The following RPGRIP1L variants were observed in gnomAD, a reference collection of about 807,000 sequenced individuals.
RPGRIP1L encodes the protein RPGRIP1 like.
RPGRIP1L carries 131 observed loss-of-function variants against 160.4 expected under a neutral mutation model. The ratio of observed to expected loss-of-function variants is 0.82; its 90% CI spans 0.71 to 0.94. RPGRIP1L has a LOEUF of 0.94. Ranked by LOEUF, RPGRIP1L falls within the 40% of genes least tolerant of loss-of-function variation. RPGRIP1L has a pLI of 0.00. For synonymous variants in RPGRIP1L, 510 were observed against 515.8 expected (o/e 0.99, Z 0.15); for missense variants, 1,522 against 1,535.8 (o/e 0.99, Z 0.15).
intron 11 of RPGRIP1L, 125 bp from the exon 12 acceptor site, chr16:53,658,589 T>C: frequency 2.2e-6 from 2 of 899,422 alleles, no homozygotes; most frequent in Non-Finnish European, 3.6e-6. Flanking sequence ...AAACTAAGTC[T>C]ACAAGACATT....
chr16:53,639,594 T>C (rs570515991), intron 19 of RPGRIP1L, among the ~76,000 whole-genome samples: 1 of 152,276 alleles, frequency 6.6e-6, no homozygotes, highest in East Asian at 1.9e-4. Context: ...GTCTTTTTAA[T>C]GTTAGTGGTC....
At chr16:53,608,677 G>A (rs781751344) in intron 25 of RPGRIP1L, among the ~76,000 whole-genome samples, 1 of 152,102 alleles carries the variant, frequency 6.6e-6, no homozygotes, top group Non-Finnish European at 1.5e-5. Flanking sequence ...TCTAACTGTC[G>A]CTTTGTAGGT....
At chr16:53,605,200 T>C (rs983080968) in intron 26 of RPGRIP1L, among the ~76,000 whole-genome samples, 7 of 151,842 alleles carry the variant, frequency 4.6e-5, no homozygotes, top group African/African-American at 1.5e-4. Flanking sequence ...AATGGCCAAC[T>C]TTTTTTCACG....
At chr16:53,667,867 T>C (rs1049354101) in intron 9 of RPGRIP1L, among the ~76,000 whole-genome samples, 4 of 151,748 alleles carry the variant, frequency 2.6e-5, no homozygotes, top group African/African-American at 9.7e-5. Context: ...GGTGAGATTC[T>C]GTCTCAAAAA....
chr16:53,674,682 A>G (rs1056443941), intron 7 of RPGRIP1L, among the ~76,000 whole-genome samples: 4 of 152,124 alleles, frequency 2.6e-5, no homozygotes, highest in Admixed American at 2.6e-4. Context: ...AATATGGCAA[A>G]ACTTCAGTGC....
chr16:53,651,104 A>G (rs71390214), intron 15 of RPGRIP1L, among the ~76,000 whole-genome samples: 4,816 of 152,162 alleles, frequency 0.032, 249 homozygotes, highest in Admixed American at 0.15. Flanking sequence ...AACTTGTCCA[A>G]ACAGAATTCT....
At chr16:53,682,612 T>C (rs1969691537) in intron 6 of RPGRIP1L, among the ~76,000 whole-genome samples, 1 of 152,166 alleles carries the variant, frequency 6.6e-6, no homozygotes, top group Non-Finnish European at 1.5e-5. Context: ...TTGATAACCT[T>C]GTACTCAGTG....
intron 1 of RPGRIP1L, chr16:53,701,876 C>T (rs1206283427): frequency 6.6e-6 from 1 of 152,086 alleles, no homozygotes. Context: ...ACTTTTATTA[C>T]AACTCGCAAA....
intron 5 of RPGRIP1L, among the ~76,000 whole-genome samples, chr16:53,686,814 T>C (rs1025832789): frequency 6.6e-6 from 1 of 152,196 alleles, no homozygotes; most frequent in African/African-American, 2.4e-5. Context: ...GATTGGACTT[T>C]GGTTTGATTC....
At chr16:53,621,916 G>A (rs1284363921) in intron 23 of RPGRIP1L, among the ~76,000 whole-genome samples, 3 of 150,640 alleles carry the variant, frequency 2.0e-5, no homozygotes, top group African/African-American at 7.3e-5. Flanking sequence ...CCAGCTACTC[G>A]GGAGGCTGAG....
chr16:53,605,720 T>G (rs1348022979), intron 25 of RPGRIP1L, 106 bp from the exon 26 acceptor site: 1 of 1,118,020 alleles, frequency 8.9e-7, no homozygotes, highest in African/African-American at 1.5e-5. Context: ...TGTTAAAGTT[T>G]CCAATTATCC....
At chr16:53,688,623 ATAAC>A (rs1253663662) in intron 4 of RPGRIP1L, among the ~76,000 whole-genome samples, 1 of 152,122 alleles carries the variant, frequency 6.6e-6, no homozygotes, top group Non-Finnish European at 1.5e-5. Context: ...CATTTATAGA[ATAAC>A]TAAATATTAG....
At chr16:53,653,912 G>A (rs923971851) in intron 14 of RPGRIP1L, among the ~76,000 whole-genome samples, 2 of 151,902 alleles carry the variant, frequency 1.3e-5, no homozygotes, top group East Asian at 1.9e-4. Context: ...AACCCTCTAT[G>A]TATCTAGATA....
Position 53,656,475 on chromosome 16 carries a change from C to A in RPGRIP1L, c.1696G>T (p.Glu566Ter). Residue 566 changes from glutamate (E) to a stop codon, truncating the protein, a stop_gained, in exon 14 of 27, where the codon GAA (glutamate) becomes TAA (stop). Coordinates refer to ENST00000647211, the MANE Select transcript of RPGRIP1L (RefSeq NM_015272.5). LOFTEE classifies it high-confidence loss of function. ...CAAAAAATCGTATATGTTGTACCTT[C>A]TAGTTTATGGATACGTGCAGCCCTG... ...DIRAARIHKL[E>*]AQLKDIAYGT... The A allele has an allele frequency of 6.3e-7, 1 of 1,599,044 alleles. No homozygotes were observed. Among genetic ancestry groups the A allele is most frequent in the African/African-American group, 1.3e-5 (1 of 74,720 alleles).
chr16:53,635,126 A>ATTG (rs748299651), intron 22 of RPGRIP1L, among the ~76,000 whole-genome samples: 4 of 152,194 alleles, frequency 2.6e-5, no homozygotes, highest in Non-Finnish European at 5.9e-5. Flanking sequence ...TATGTACATT[A>ATTG]GAATTATTGG....
intron 12 of RPGRIP1L, among the ~76,000 whole-genome samples, chr16:53,658,212 C>T (rs1276691799): frequency 6.6e-6 from 1 of 152,048 alleles, no homozygotes; most frequent in Non-Finnish European, 1.5e-5. Context: ...TATGTATATG[C>T]TATAACTAAA....
intron 25 of RPGRIP1L, among the ~76,000 whole-genome samples, chr16:53,608,706 G>A (rs1963838065): frequency 6.6e-6 from 1 of 152,146 alleles, no homozygotes; most frequent in African/African-American, 2.4e-5. Flanking sequence ...ATATTCAACA[G>A]GGTTGCTGTC....
At chr16:53,694,353 C>A (rs1202173808) in intron 3 of RPGRIP1L, 1 of 148,882 alleles carries the variant, frequency 6.7e-6, no homozygotes, top group Non-Finnish European at 1.5e-5. Context: ...AGGAGAATCA[C>A]TTGAACCCGG....
intron 24 of RPGRIP1L, among the ~76,000 whole-genome samples, chr16:53,611,650 G>A (rs919416186): frequency 6.6e-6 from 1 of 152,200 alleles, no homozygotes; most frequent in Admixed American, 6.5e-5. Flanking sequence ...GAGGAATGTG[G>A]CCAGACTTCA....
Sources: allele counts gnomAD v4.1 joint callset (sites outside exome capture counted in the v4.1 genomes callset), GRCh38; gene constraint gnomAD v4.1.1; transcripts MANE v1.5; gene names NCBI Gene and HGNC (gene_info 2026-07-23, HGNC 2026-07-21).